Variants in TRPM3 observed in about 807,000 individuals in gnomAD.
The protein encoded by TRPM3 is long transient receptor potential channel 3.
Under a neutral mutation model 181.2 loss-of-function variants are expected in TRPM3, and 77 were observed. That is an observed-to-expected ratio of 0.42 (90% CI 0.35 to 0.51). The LOEUF (loss-of-function observed/expected upper bound fraction) is 0.51, where lower values mean the gene tolerates loss of function less well. Among genes scored for constraint, TRPM3 ranks in the 20% least tolerant of loss-of-function variants. The pLI is 0.01. For missense variants in TRPM3, 1,759 were observed against 2,196.7 expected (o/e 0.80, Z 3.98); for synonymous variants, 745 against 796.4 (o/e 0.94, Z 1.09).
At chr9:71,315,746 T>C (rs1030068287) in intron 1 of TRPM3, among the ~76,000 whole-genome samples, 2 of 152,208 alleles carry the variant, frequency 1.3e-5, no homozygotes, top group African/African-American at 2.4e-5. Flanking sequence ...TTTTTAATAG[T>C]AGAATCTGCT....
At chr9:70,556,260 C>G (rs528379976) in intron 22 of TRPM3, among the ~76,000 whole-genome samples, 1 of 151,188 alleles carries the variant, frequency 6.6e-6, no homozygotes, top group Non-Finnish European at 1.5e-5. Flanking sequence ...ACATTATGTA[C>G]CTTCCTGAGA....
At chr9:71,088,780 T>TC (rs1189028107) in intron 1 of TRPM3, among the ~76,000 whole-genome samples, 1 of 91,218 alleles carries the variant, frequency 1.1e-5, no homozygotes, top group East Asian at 4.2e-4. Context: ...TAAACTTTCC[T>TC]TTTTTTGAAA....
At chr9:71,034,767 A>G (rs75073718) in intron 1 of TRPM3, among the ~76,000 whole-genome samples, 3 of 148,716 alleles carry the variant, frequency 2.0e-5, no homozygotes, top group African/African-American at 7.4e-5. Context: ...TTTTTTTTTT[A>G]GAGAGAGATG....
chr9:71,021,369 T>C (rs1169519812), intron 1 of TRPM3, among the ~76,000 whole-genome samples: 1 of 152,178 alleles, frequency 6.6e-6, no homozygotes, highest in Admixed American at 6.6e-5. Context: ...TCCGAAAATA[T>C]TGACAATTTA....
rs60813870 is a variant in TRPM3, at chr9:70,978,997, G to A, written c.178-114486C>T. Among the ~76,000 whole-genome samples, 404 of 152,330 alleles carry A rather than the reference G, an allele frequency of 2.7e-3. 4 individuals carry two copies. Among genetic ancestry groups the A allele is most frequent in the African/African-American group, 9.3e-3 (388 of 41,576 alleles). Reference sequence around the variant, plus strand: ...CAGAAGATTGAGTGTTACTGCCCTGGAAGACATCTTGAGATGAGTCATCTC... The same window carrying A: ...CAGAAGATTGAGTGTTACTGCCCTGAAAGACATCTTGAGATGAGTCATCTC... On this transcript the variant is annotated intron_variant, in intron 1 of 25. Transcript: ENST00000677713.
intron 7 of TRPM3, among the ~76,000 whole-genome samples, chr9:70,777,241 A>C (rs2081535013): frequency 6.6e-6 from 1 of 152,066 alleles, no homozygotes; most frequent in Admixed American, 6.6e-5. Flanking sequence ...ATGTTCAAGG[A>C]CACTCTTTCC....
At chr9:71,185,266 T>TA (rs2077610883) in intron 1 of TRPM3, among the ~76,000 whole-genome samples, 1 of 152,128 alleles carries the variant, frequency 6.6e-6, no homozygotes, top group African/African-American at 2.4e-5. Flanking sequence ...CATATAAAAC[T>TA]AAGTATAACC....
At chr9:70,869,154 G>T in intron 1 of TRPM3, 2 of 691,446 alleles carry the variant, frequency 2.9e-6, no homozygotes, top group Non-Finnish European at 3.6e-6. Flanking sequence ...TTTCAAGTAA[G>T]CAATGAACTT....
At chr9:71,317,644 A>G (rs1307773261) in intron 1 of TRPM3, among the ~76,000 whole-genome samples, 1 of 147,522 alleles carries the variant, frequency 6.8e-6, no homozygotes, top group Non-Finnish European at 1.5e-5. Flanking sequence ...CTCTCTCAAA[A>G]AAAAAAAAAA....
chr9:70,582,174 C>A (rs1283942139), intron 22 of TRPM3, among the ~76,000 whole-genome samples: 3 of 89,886 alleles, frequency 3.3e-5, no homozygotes, highest in South Asian at 3.7e-4. Flanking sequence ...CCCGCCTCCA[C>A]CCTGTGCGTG....
In TRPM3 at chr9:70,534,966, AAC is replaced by A. The variant is rs1340106524; in HGVS notation, c.*985_*986del. The A allele has an allele frequency of 1.3e-5, 2 of 154,512 alleles. No individual in the cohort carries two copies. The highest frequency in any genetic ancestry group is 2.0e-4 in the South Asian group (1 of 5,004). 9.6% of individuals were successfully genotyped at this position (154,512 alleles called of 1,614,324 possible). ...AATGATGACGGTCACACAGCAGCAC[AAC>A]ACACGACATGAACGGTGAGAACAGA... On this transcript the variant is annotated 3_prime_UTR_variant, in exon 26 of 26. Coordinates refer to ENST00000677713, the MANE Select transcript of TRPM3 (RefSeq NM_001366145.2).
intron 1 of TRPM3, among the ~76,000 whole-genome samples, chr9:71,434,019 C>A (rs893089823): frequency 6.6e-6 from 1 of 152,088 alleles, no homozygotes; most frequent in Admixed American, 6.6e-5. Context: ...ATTAGCCAGG[C>A]GTGGTGGCGC....
intron 1 of TRPM3, among the ~76,000 whole-genome samples, chr9:71,401,197 C>CAAAAAAAAAAAAAAA (rs59425467): frequency 9.5e-6 from 1 of 105,820 alleles, no homozygotes; most frequent in Non-Finnish European, 1.8e-5. Flanking sequence ...GACACCATCG[C>CAAAAAAAAAAAAAAA]AAAAAAAAAA....
chr9:71,371,237 T>A (rs188144577), intron 1 of TRPM3, among the ~76,000 whole-genome samples: 64 of 152,298 alleles, frequency 4.2e-4, no homozygotes, highest in African/African-American at 1.2e-3. Context: ...AATCTTATTA[T>A]TGAAGGAATA....
chr9:70,858,036 T>A (rs1411378796), intron 3 of TRPM3, among the ~76,000 whole-genome samples: 1 of 152,150 alleles, frequency 6.6e-6, no homozygotes, highest in Non-Finnish European at 1.5e-5. Flanking sequence ...AACATTGTAA[T>A]AATGATTATG....
intron 7 of TRPM3, among the ~76,000 whole-genome samples, chr9:70,778,202 C>T (rs574918482): frequency 2.0e-5 from 3 of 152,142 alleles, no homozygotes; most frequent in Admixed American, 2.0e-4. Flanking sequence ...AAAATAGAGT[C>T]ATTCTATTGC....
At chr9:71,029,557 A>G (rs1351857021) in intron 1 of TRPM3, among the ~76,000 whole-genome samples, 2 of 152,202 alleles carry the variant, frequency 1.3e-5, no homozygotes, top group African/African-American at 4.8e-5. Flanking sequence ...TAAATGTTAC[A>G]TGAAATATGA....
intron 1 of TRPM3, among the ~76,000 whole-genome samples, chr9:71,200,958 C>T (rs1406171943): frequency 4.6e-5 from 7 of 151,866 alleles, no homozygotes; most frequent in Admixed American, 1.3e-4. Context: ...GATGCAGTTT[C>T]TTCCTAGCCT....
intron 14 of TRPM3, among the ~76,000 whole-genome samples, chr9:70,622,424 G>A (rs1589430168): frequency 6.6e-6 from 1 of 152,244 alleles, no homozygotes; most frequent in African/African-American, 2.4e-5. Flanking sequence ...GTATTATTCA[G>A]AAATATATTA....
Sources: gnomAD v4.1 joint callset for allele counts (sites outside exome capture counted in the v4.1 genomes callset) on GRCh38, gnomAD v4.1.1 for gene constraint, MANE v1.5 for transcripts, NCBI Gene and HGNC (gene_info 2026-07-23, HGNC 2026-07-21) for gene names.